The following NRXN1 variants were observed in gnomAD, a reference collection of about 807,000 sequenced individuals.
NRXN1 encodes neurexin-1.
Under a neutral mutation model 150.9 loss-of-function variants are expected in NRXN1, and 39 were observed. The observed-to-expected ratio is 0.26, with a 90% CI of 0.20 to 0.34. The LOEUF (loss-of-function observed/expected upper bound fraction) is 0.34, where lower values mean the gene tolerates loss of function less well. Ranked by LOEUF, NRXN1 falls within the 10% of genes least tolerant of loss-of-function variation. The pLI is 1.00. For synonymous variants in NRXN1, 924 were observed against 757.0 expected (o/e 1.22, Z -3.62); for missense variants, 1,815 against 1,949.9 (o/e 0.93, Z 1.30).
At chr2:49,938,307 T>A (rs1393974521) in intron 22 of NRXN1, among the ~76,000 whole-genome samples, 2 of 152,204 alleles carry the variant, frequency 1.3e-5, no homozygotes. Context: ...GATAGAATAA[T>A]GTTTGTAAAG....
At chr2:50,378,054 C>G (rs1478947837) in intron 17 of NRXN1, among the ~76,000 whole-genome samples, 1 of 152,082 alleles carries the variant, frequency 6.6e-6, no homozygotes, top group Admixed American at 6.6e-5. Context: ...AAACTAAAAC[C>G]AGGCTAGACA....
rs1256184513 is a variant in NRXN1 at position 50,214,287 on chromosome 2, T to A, written c.3546+22502A>T. ...TCTGTGATCACAATTCCTGAACATA[T>A]CCAGTAATTGTCCCTAAATGGGAAA... On this transcript the variant is annotated intron_variant, in intron 18 of 22. Coordinates refer to ENST00000401669, the MANE Select transcript of NRXN1 (RefSeq NM_001330078.2). 3.3e-5 allele frequency among the ~76,000 whole-genome samples: 5 copies of A among 151,992 alleles called. No homozygotes were observed. In the East Asian group the frequency reaches 9.7e-4, roughly 29 times the overall value.
At chr2:50,551,666 A>G (rs1458193481) in intron 9 of NRXN1, among the ~76,000 whole-genome samples, 2 of 152,210 alleles carry the variant, frequency 1.3e-5, no homozygotes, top group African/African-American at 4.8e-5. Context: ...TTTATGTATG[A>G]GTAGGACAAT....
intron 17 of NRXN1, among the ~76,000 whole-genome samples, chr2:50,421,372 T>C (rs1218946276): frequency 6.6e-6 from 1 of 152,070 alleles, no homozygotes; most frequent in Non-Finnish European, 1.5e-5. Flanking sequence ...TATAAATTCA[T>C]GCAATATTAG....
intron 19 of NRXN1, among the ~76,000 whole-genome samples, chr2:50,074,317 C>G (rs992791822): frequency 1.2e-4 from 18 of 152,154 alleles, no homozygotes; most frequent in African/African-American, 4.3e-4. Flanking sequence ...CAATTTAAAT[C>G]TCACGAAATC....
intron 21 of NRXN1, among the ~76,000 whole-genome samples, chr2:49,955,822 T>G (rs758325620): frequency 5.9e-5 from 9 of 152,100 alleles, no homozygotes; most frequent in African/African-American, 9.7e-5. Context: ...CACCAAGAAA[T>G]AGTGTAAGAC....
chr2:50,722,384 T>C (rs537048224), intron 5 of NRXN1, among the ~76,000 whole-genome samples: 1 of 152,058 alleles, frequency 6.6e-6, no homozygotes, highest in African/African-American at 2.4e-5. Context: ...TTGAAAACAA[T>C]CTAAATCAGC....
chr2:50,292,607 C>T (rs1347761387), intron 17 of NRXN1, among the ~76,000 whole-genome samples: 1 of 152,086 alleles, frequency 6.6e-6, no homozygotes, highest in Non-Finnish European at 1.5e-5. Context: ...TAAAATAGTA[C>T]CTTTAGAAAG....
chr2:50,116,061 C>CT (rs1553627032), intron 18 of NRXN1, among the ~76,000 whole-genome samples: 1 of 151,990 alleles, frequency 6.6e-6, no homozygotes, highest in Non-Finnish European at 1.5e-5. Flanking sequence ...GGCTCGACCT[C>CT]TTTTTTTAAT....
chr2:50,651,883 G>GA (rs1486222588), intron 5 of NRXN1, among the ~76,000 whole-genome samples: 2 of 151,906 alleles, frequency 1.3e-5, no homozygotes, highest in Non-Finnish European at 2.9e-5. Context: ...GAGTTGCACT[G>GA]AAAAAAACCA....
intron 5 of NRXN1, among the ~76,000 whole-genome samples, chr2:50,908,336 C>T (rs10490168): frequency 0.26 from 38,606 of 151,080 alleles, 5,495 homozygotes; most frequent in Non-Finnish European, 0.33. Flanking sequence ...GTAACACTGA[C>T]AAAAATACAT....
At chr2:50,941,937 G>C (rs545262390) in intron 2 of NRXN1, among the ~76,000 whole-genome samples, 2 of 152,198 alleles carry the variant, frequency 1.3e-5, no homozygotes, top group African/African-American at 4.8e-5. Context: ...GTATATCTTT[G>C]GGTAGCCCCT....
At chr2:50,555,350 G>C (rs1368895464) in intron 8 of NRXN1, among the ~76,000 whole-genome samples, 1 of 152,114 alleles carries the variant, frequency 6.6e-6, no homozygotes, top group Non-Finnish European at 1.5e-5. Flanking sequence ...CAAAGTTGAA[G>C]AATGAGGGGC....
At chr2:50,672,557 T>TA (rs1372640001) in intron 5 of NRXN1, among the ~76,000 whole-genome samples, 2 of 151,948 alleles carry the variant, frequency 1.3e-5, no homozygotes, top group African/African-American at 4.8e-5. Context: ...GAAATAGTGT[T>TA]ACAATCATCC....
intron 21 of NRXN1, among the ~76,000 whole-genome samples, chr2:49,944,034 C>T (rs895033359): frequency 7.2e-5 from 11 of 152,098 alleles, no homozygotes; most frequent in Non-Finnish European, 1.3e-4. Context: ...TTGTAGATAC[C>T]CATCCACTCA....
intron 2 of NRXN1, among the ~76,000 whole-genome samples, chr2:51,025,886 C>T (rs1670365728): frequency 1.3e-5 from 2 of 152,056 alleles, no homozygotes; most frequent in Non-Finnish European, 2.9e-5. Context: ...TCTATAATTA[C>T]CTAAGCCAAA....
intron 2 of NRXN1, among the ~76,000 whole-genome samples, chr2:50,992,072 C>T (rs1455470615): frequency 6.6e-6 from 1 of 151,888 alleles, no homozygotes; most frequent in Non-Finnish European, 1.5e-5. Flanking sequence ...AGTTTCTGTC[C>T]AATCTGCCAT....
At chr2:49,950,704 A>T (rs1673784057) in intron 21 of NRXN1, among the ~76,000 whole-genome samples, 1 of 151,960 alleles carries the variant, frequency 6.6e-6, no homozygotes, top group Non-Finnish European at 1.5e-5. Context: ...ATTCACCAAT[A>T]GCATCCTTAT....
At chr2:50,028,316 C>G (rs1688687456) in intron 21 of NRXN1, among the ~76,000 whole-genome samples, 1 of 152,182 alleles carries the variant, frequency 6.6e-6, no homozygotes, top group Non-Finnish European at 1.5e-5. Flanking sequence ...TTTTTACCCA[C>G]TCTTCCTAGG....
Sources: allele counts gnomAD v4.1 joint callset (sites outside exome capture counted in the v4.1 genomes callset), GRCh38; gene constraint gnomAD v4.1.1; transcripts MANE v1.5; gene names NCBI Gene and HGNC (gene_info 2026-07-23, HGNC 2026-07-21).